Variants in ACACB observed in about 807,000 individuals in gnomAD.
ACACB encodes the protein acetyl-CoA carboxylase beta, also known as acetyl-CoA carboxylase 2.
Under a neutral mutation model 278.8 loss-of-function variants are expected in ACACB, and 209 were observed. That is an observed-to-expected ratio of 0.75 (90% CI 0.67 to 0.84). The LOEUF (loss-of-function observed/expected upper bound fraction) is 0.84. ACACB is among the 40% of genes least tolerant of loss of function. ACACB has a pLI of 0.00. For synonymous variants in ACACB, 1,174 were observed against 1,285.6 expected (o/e 0.91, Z 1.86); for missense variants, 2,850 against 3,269.0 (o/e 0.87, Z 3.13).
chr12:109,227,519 CTG>C (rs1325813790), intron 28 of ACACB, 30 bp downstream of exon 28: 1 of 1,596,662 alleles, frequency 6.3e-7, no homozygotes, highest in Non-Finnish European at 8.6e-7. Context: ...CAGGGACGGC[CTG>C]TGTTTCTGTT....
chr12:109,132,955 C>T (rs899872391), intron 1 of ACACB, among the ~76,000 whole-genome samples: 3 of 152,214 alleles, frequency 2.0e-5, no homozygotes, highest in Middle Eastern at 3.4e-3. Context: ...ACCTGCCATC[C>T]CTCTATCACC....
chr12:109,213,434 A>G (rs888891277), intron 22 of ACACB, among the ~76,000 whole-genome samples: 4 of 152,336 alleles, frequency 2.6e-5, no homozygotes, highest in East Asian at 3.9e-4. Context: ...GATTGAGACA[A>G]TGGGATGAAA....
At chr12:109,125,457 G>A (rs1191959934) in intron 1 of ACACB, 1 of 152,170 alleles carries the variant, frequency 6.6e-6, no homozygotes, top group African/African-American at 2.4e-5. Context: ...CGATGTCTGT[G>A]GAATTTTTAC....
At chr12:109,198,613 C>G (rs916622188) in intron 17 of ACACB, among the ~76,000 whole-genome samples, 1 of 151,902 alleles carries the variant, frequency 6.6e-6, no homozygotes, top group African/African-American at 2.4e-5. Flanking sequence ...GGAGGATCAC[C>G]TGACCCCAGG....
chr12:109,210,287 CTGTGTGTATA>C lies in ACACB; in HGVS notation c.3249+938_3249+947del, dbSNP rs2045756224. ...TATATGTACATATACACACACATATCTGTGTGTATATGTATATATACACACACATATCTGT... is the reference window on the plus strand; with the variant it reads ...TATATGTACATATACACACACATATCTGTATATATACACACACATATCTGT... On this transcript the variant is annotated intron_variant, in intron 21 of 52. Coordinates refer to ENST00000338432, the MANE Select transcript of ACACB (RefSeq NM_001093.4). Among the ~76,000 whole-genome samples the C allele has an allele frequency of 1.8e-4, 3 of 16,906 alleles. No individual in the cohort carries two copies. In the Admixed American group the frequency reaches 1.9e-3, roughly 11 times the overall value. 11.1% of individuals were successfully genotyped at this position (16,906 alleles called of 152,430 possible).
At chr12:109,170,372 GT>G (rs985411709) in intron 4 of ACACB, among the ~76,000 whole-genome samples, 5 of 152,008 alleles carry the variant, frequency 3.3e-5, no homozygotes, top group Admixed American at 6.6e-5. Context: ...GCCAGCGTGT[GT>G]TTTTTTAAGG....
upstream of ACACB, chr12:109,113,360 G>A (rs1357082668): frequency 6.6e-6 from 1 of 152,244 alleles, no homozygotes; most frequent in Non-Finnish European, 1.5e-5. Flanking sequence ...CACGTGGCAA[G>A]GTTTGGGAGG....
intron 22 of ACACB, among the ~76,000 whole-genome samples, chr12:109,214,282 T>A (rs1446883968): frequency 6.6e-6 from 1 of 151,948 alleles, no homozygotes; most frequent in Non-Finnish European, 1.5e-5. Flanking sequence ...AAAAAAGGAA[T>A]CAAAGCATTC....
At chr12:109,240,909 T>A (rs2046777543) in intron 35 of ACACB, among the ~76,000 whole-genome samples, 169 bp from the exon 36 acceptor site, 1 of 152,208 alleles carries the variant, frequency 6.6e-6, no homozygotes, top group South Asian at 2.1e-4. Context: ...TTTTAAATGC[T>A]TAGCAAGAGC....
chr12:109,233,711 C>T (rs1382173791), intron 29 of ACACB, 37 bp from the exon 30 acceptor site: 3 of 1,569,910 alleles, frequency 1.9e-6, no homozygotes, highest in Admixed American at 3.4e-5. Context: ...CATGGGTCAG[C>T]AGCCCCTCAG....
At chr12:109,185,931 A>G (rs1212171021) in intron 12 of ACACB, among the ~76,000 whole-genome samples, 191 bp downstream of exon 12, 1 of 151,724 alleles carries the variant, frequency 6.6e-6, no homozygotes, top group Non-Finnish European at 1.5e-5. Flanking sequence ...TTTTATTTTT[A>G]TTTATTTTTA....
chr12:109,135,932 C>T (rs552356791), intron 1 of ACACB, among the ~76,000 whole-genome samples: 1 of 151,860 alleles, frequency 6.6e-6, no homozygotes, highest in African/African-American at 2.4e-5. Context: ...TCCTCAGTCT[C>T]CCAAGTAGCT....
chr12:109,186,417 C>T (rs1411224044), intron 12 of ACACB, among the ~76,000 whole-genome samples: 1 of 152,174 alleles, frequency 6.6e-6, no homozygotes. Context: ...CTCCAAAAGC[C>T]ATGCCTATCT....
chr12:109,247,413 C>G (rs890072386), intron 39 of ACACB, among the ~76,000 whole-genome samples, 193 bp from the exon 40 acceptor site: 1 of 151,902 alleles, frequency 6.6e-6, no homozygotes, highest in Non-Finnish European at 1.5e-5. Flanking sequence ...TAGAGGAGAG[C>G]TTAGCTCAAA....
intron 11 of ACACB, among the ~76,000 whole-genome samples, chr12:109,181,798 C>T (rs900845783): frequency 2.0e-5 from 3 of 150,510 alleles, no homozygotes; most frequent in East Asian, 1.9e-4. Flanking sequence ...CTTTTCTCCA[C>T]GTCCTTGCTA....
In ACACB at chr12:109,222,570, A is replaced by T. The variant is rs1213433006; in HGVS notation, c.3628A>T (p.Thr1210Ser). 1 of 1,613,670 alleles carries T rather than the reference A, an allele frequency of 6.2e-7. No individual in the cohort carries two copies. The highest frequency in any genetic ancestry group is 8.5e-7 in the Non-Finnish European group (1 of 1,179,752). The change falls in exon 25 of 53, where the codon ACT becomes TCT. Residue 1210 changes from threonine (T) to serine (S), a missense_variant. By Grantham distance (58) the Thr-to-Ser change is moderately conservative. Around this residue, in one of 3 missense-constraint regions of ACACB, gnomAD observed 2,265 missense variants for 2,561.3 expected, o/e 0.88. Coordinates refer to ENST00000338432, the MANE Select transcript of ACACB (RefSeq NM_001093.4). ...DELISILNEL[T>S]QLSKSEHCKV... ...GCTGATCTCCATCCTCAACGAGCTC[A>T]CTCAGCTGAGCAAAAGCGAGCACTG... is the stretch of plus-strand genomic sequence containing the variant.
At chr12:109,132,110 C>G (rs1462847029) in intron 1 of ACACB, among the ~76,000 whole-genome samples, 1 of 152,002 alleles carries the variant, frequency 6.6e-6, no homozygotes, top group Non-Finnish European at 1.5e-5. Context: ...CACAGTTTAC[C>G]AAGCTGTAAA....
upstream of ACACB, among the ~76,000 whole-genome samples, chr12:109,115,356 C>T (rs2042383056): frequency 6.6e-6 from 1 of 152,122 alleles, no homozygotes; most frequent in Admixed American, 6.5e-5. Context: ...TTTGGAATCA[C>T]TGGGAAAGAA....
In ACACB at chr12:109,212,876, G is replaced by A. The variant is rs369101174; in HGVS notation, c.3290G>A (p.Arg1097Gln). 4.0e-5 allele frequency: 65 copies of A among 1,614,114 alleles called. No individual in the cohort carries two copies. The highest frequency in any genetic ancestry group is 3.1e-4 in the African/African-American group (23 of 75,018). ...GACTGCCATGCAGCCACCCTGCAGC[G>A]GAAGGCTGATCGAGAGGTCTTCTTC... ...ILDCHAATLQ[R>Q]KADREVFFIN... is the part of the protein sequence containing the mutation. The change falls in exon 22 of 53, where the codon CGG becomes CAG. Residue 1097 changes from arginine (R) to glutamine (Q), a missense_variant. Coordinates refer to ENST00000338432, the MANE Select transcript of ACACB (RefSeq NM_001093.4).
Sources: gnomAD v4.1 joint callset for allele counts (sites outside exome capture counted in the v4.1 genomes callset) on GRCh38, gnomAD v4.1.1 for gene constraint, gnomAD v4.1.1 regional missense constraint, MANE v1.5 for transcripts, NCBI Gene and HGNC (gene_info 2026-07-23, HGNC 2026-07-21) for gene names.